CFAP299: variants seen among roughly 807,000 people sequenced by gnomAD.
CFAP299 encodes cilia- and flagella-associated protein 299.
A neutral mutation model predicts 27.0 loss-of-function variants in CFAP299; 21 were observed. That is an observed-to-expected ratio of 0.78 (90% CI 0.55 to 1.12). CFAP299 has a LOEUF of 1.12. Ranked by LOEUF, CFAP299 falls within the 50% of genes most tolerant of loss-of-function variation. The probability of loss-of-function intolerance (pLI) is 0.00; values close to 1 mark genes in which losing one functional copy is unlikely to be tolerated. For synonymous variants in CFAP299, 104 were observed against 98.1 expected (o/e 1.06, Z -0.36); for missense variants, 310 against 276.6 (o/e 1.12, Z -0.86).
chr4:80,633,892 C>T (rs1739345857), intron 3 of CFAP299, among the ~76,000 whole-genome samples: 1 of 151,102 alleles, frequency 6.6e-6, no homozygotes, highest in Non-Finnish European at 1.5e-5. Context: ...CCTCTTTAAG[C>T]ATTTTTAATA....
chr4:80,635,319 G>C (rs190979044), intron 3 of CFAP299, among the ~76,000 whole-genome samples: 58 of 152,232 alleles, frequency 3.8e-4, no homozygotes, highest in Non-Finnish European at 5.7e-4. Context: ...TCTCATGAGA[G>C]AGAGATACCC....
intron 2 of CFAP299, among the ~76,000 whole-genome samples, chr4:80,562,340 G>A (rs1465965611): frequency 6.6e-6 from 1 of 152,068 alleles, no homozygotes; most frequent in African/African-American, 2.4e-5. Context: ...GCTCAAGCTT[G>A]TAATCCCAGC....
At chr4:80,901,685 A>G (rs1039909128) in intron 4 of CFAP299, among the ~76,000 whole-genome samples, 2 of 152,038 alleles carry the variant, frequency 1.3e-5, no homozygotes, top group Admixed American at 1.3e-4. Context: ...TACATATTTA[A>G]TCATTATTGA....
At chr4:80,371,837 C>A (rs1204819591) in intron 2 of CFAP299, among the ~76,000 whole-genome samples, 1 of 152,050 alleles carries the variant, frequency 6.6e-6, no homozygotes, top group Non-Finnish European at 1.5e-5. Flanking sequence ...TTTAAGATTC[C>A]CCTCATTTTC....
intron 4 of CFAP299, among the ~76,000 whole-genome samples, chr4:80,924,538 G>GTGTATATATATATATA (rs5859742): frequency 3.0e-5 from 4 of 131,668 alleles, no homozygotes; most frequent in African/African-American, 1.3e-4. Context: ...GTGTGTGTGT[G>GTGTATATATATATATA]TATATATATA....
chr4:80,714,094 C>G (rs915310155), intron 3 of CFAP299, among the ~76,000 whole-genome samples: 1 of 152,082 alleles, frequency 6.6e-6, no homozygotes, highest in African/African-American at 2.4e-5. Flanking sequence ...TTCTGCCTAT[C>G]TATGATTTAA....
rs371422817 is a variant in CFAP299, at chr4:80,389,317, A to G, written c.242+26433A>G. Among the ~76,000 whole-genome samples the G allele has an allele frequency of 1.6e-4, 25 of 152,120 alleles. 1 individual carries two copies. The highest frequency in any genetic ancestry group is 1.5e-3 in the East Asian group (8 of 5,172). On this transcript the variant is annotated intron_variant, in intron 2 of 5. Coordinates refer to ENST00000358105, the MANE Select transcript of CFAP299 (RefSeq NM_152770.3). ...GAGCTTCACTTTCTAATCACCCTAC[A>G]CTCCAACTTACTCCATCTCTGGGTT...
At chr4:80,404,599 G>A (rs535252792) in intron 2 of CFAP299, among the ~76,000 whole-genome samples, 6 of 152,282 alleles carry the variant, frequency 3.9e-5, no homozygotes, top group African/African-American at 1.2e-4. Context: ...CCATGTTGTA[G>A]CATCTACCAA....
intron 3 of CFAP299, among the ~76,000 whole-genome samples, chr4:80,690,240 A>AT (rs575172994): frequency 0.025 from 3,785 of 150,816 alleles, 154 homozygotes; most frequent in African/African-American, 0.088. Context: ...CAGAATATAC[A>AT]TTTTTTTCAG....
At chr4:80,633,856 C>CT (rs1739343555) in intron 3 of CFAP299, among the ~76,000 whole-genome samples, 1 of 151,926 alleles carries the variant, frequency 6.6e-6, no homozygotes, top group Non-Finnish European at 1.5e-5. Flanking sequence ...TAATTAGAAC[C>CT]TTTTCTTTAC....
chr4:80,809,754 T>C (rs1171512153), intron 3 of CFAP299, among the ~76,000 whole-genome samples: 2 of 152,126 alleles, frequency 1.3e-5, no homozygotes, highest in African/African-American at 4.8e-5. Context: ...CAGGTTTCCT[T>C]ACCTGGCTGT....
chr4:80,940,577 C>G (rs1010689909), intron 4 of CFAP299, among the ~76,000 whole-genome samples: 5 of 152,178 alleles, frequency 3.3e-5, no homozygotes, highest in African/African-American at 1.2e-4. Flanking sequence ...GTTCCTAGAT[C>G]ATTGTTAAAA....
At chr4:80,534,168 T>G (rs945722025) in intron 2 of CFAP299, among the ~76,000 whole-genome samples, 1 of 152,054 alleles carries the variant, frequency 6.6e-6, no homozygotes, top group Non-Finnish European at 1.5e-5. Context: ...TTTATTTTTC[T>G]TATTTTTTGC....
At chr4:80,349,015 C>G (rs1454336008) in intron 1 of CFAP299, among the ~76,000 whole-genome samples, 1 of 152,116 alleles carries the variant, frequency 6.6e-6, no homozygotes, top group African/African-American at 2.4e-5. Context: ...GGTCCTGGAG[C>G]CTGAAGTCAC....
In CFAP299 at chr4:80,944,822, G is replaced by A. The variant is rs1469139454; in HGVS notation, c.489G>A (p.Trp163Ter). The change falls in exon 5 of 6, where the codon TGG becomes TGA. Residue 163 changes from tryptophan to a stop codon, truncating the protein, a stop_gained. Coordinates refer to ENST00000358105, the MANE Select transcript of CFAP299 (RefSeq NM_152770.3). LOFTEE classifies it high-confidence loss of function. ...PRPTDISFYN[W>*]DADIAVSNSS... is the part of the protein sequence containing the mutation. ...TTTATTTTTATAGCTTTTACAACTG[G>A]GACGCTGATATTGCTGTTAGTAATT... 41 of 1,602,010 alleles carry A rather than the reference G, an allele frequency of 2.6e-5. No homozygotes were observed. In the Admixed American group the frequency reaches 6.8e-4, roughly 27 times the overall value.
At chr4:80,486,312 G>T (rs2110132858) in intron 2 of CFAP299, among the ~76,000 whole-genome samples, 1 of 152,304 alleles carries the variant, frequency 6.6e-6, no homozygotes, top group East Asian at 1.9e-4. Flanking sequence ...CTGCCTAGGG[G>T]TCAAATTGTA....
intron 4 of CFAP299, among the ~76,000 whole-genome samples, chr4:80,887,126 A>C (rs1734010696): frequency 6.6e-6 from 1 of 152,232 alleles, no homozygotes; most frequent in Non-Finnish European, 1.5e-5. Flanking sequence ...ATTGGCCTTA[A>C]AGAGGAGGTA....
At chr4:80,861,871 C>T (rs1166256171) in intron 3 of CFAP299, among the ~76,000 whole-genome samples, 1 of 152,018 alleles carries the variant, frequency 6.6e-6, no homozygotes, top group Non-Finnish European at 1.5e-5. Context: ...ATTGAACTGT[C>T]TTAGAAGTTT....
intron 4 of CFAP299, among the ~76,000 whole-genome samples, chr4:80,897,676 C>T: frequency 6.6e-6 from 1 of 152,264 alleles, no homozygotes. Context: ...CATGTTTCTG[C>T]AAGTCAGGAA....
Sources: allele counts gnomAD v4.1 joint callset (sites outside exome capture counted in the v4.1 genomes callset), GRCh38; gene constraint gnomAD v4.1.1; transcripts MANE v1.5; gene names NCBI Gene and HGNC (gene_info 2026-07-23, HGNC 2026-07-21).